Variants in DIAPH1 observed in about 807,000 individuals in gnomAD.
DIAPH1 encodes the protein protein diaphanous homolog 1.
Under a neutral mutation model 140.7 loss-of-function variants are expected in DIAPH1, and 46 were observed. That is an observed-to-expected ratio of 0.33 (90% CI 0.26 to 0.42). The LOEUF (loss-of-function observed/expected upper bound fraction) is 0.42, where lower values mean the gene tolerates loss of function less well. DIAPH1 is among the 10% of genes least tolerant of loss of function. The pLI, the probability that DIAPH1 is intolerant of heterozygous loss-of-function variation, is 1.00. For missense variants in DIAPH1, 1,310 were observed against 1,558.7 expected, an observed-to-expected ratio of 0.84 and a Z score of 2.69; for synonymous variants, 565 against 551.6, an observed-to-expected ratio of 1.02 and a Z score of -0.34.
rs56117502 is a variant in DIAPH1, at chr5:141,591,695, GATATATATATATATATAT to G, written c.118-3463_118-3446del. ...TGGAAAAGGAAGGAAGGGAGATGGG[GATATATATATATATATAT>G]ATATATATATATATGAAGGAAGATG... On this transcript the variant is annotated intron_variant, in intron 1 of 27. Transcript: ENST00000389054. Among the ~76,000 whole-genome samples, 568 of 86,290 alleles carry G rather than the reference GATATATATATATATATAT, an allele frequency of 6.6e-3. 46 individuals are homozygous for G. The highest frequency in any genetic ancestry group is 0.028 in the African/African-American group (493 of 17,472). 56.6% of individuals were successfully genotyped at this position (86,290 alleles called of 152,430 possible).
chr5:141,596,343 AG>A (rs1039811362), intron 1 of DIAPH1, among the ~76,000 whole-genome samples: 3 of 151,880 alleles, frequency 2.0e-5, no homozygotes, highest in African/African-American at 7.3e-5. Flanking sequence ...AAAAAAAAAA[AG>A]TAATAATAAT....
intron 26 of DIAPH1, 147 bp downstream of exon 26, chr5:141,525,891 G>T: frequency 7.8e-7 from 1 of 1,278,618 alleles, no homozygotes; most frequent in South Asian, 1.2e-5. Flanking sequence ...TGGGGTTAAA[G>T]TCCGGCATCA....
At chr5:141,540,013 T>G (rs2099889730) in intron 18 of DIAPH1, among the ~76,000 whole-genome samples, 1 of 151,998 alleles carries the variant, frequency 6.6e-6, no homozygotes. Flanking sequence ...GGTTGAAGGT[T>G]AGGTTATTGA....
At chr5:141,524,372 C>G (rs2099886982) in intron 26 of DIAPH1, 143 bp from the exon 27 acceptor site, 2 of 770,990 alleles carry the variant, frequency 2.6e-6, no homozygotes, top group Non-Finnish European at 4.5e-6. Flanking sequence ...AAAGAGAGCT[C>G]AGCCTTAAGT....
At chr5:141,578,444 C>G in intron 10 of DIAPH1, 71 bp downstream of exon 10, 1 of 1,533,994 alleles carries the variant, frequency 6.5e-7, no homozygotes, top group Non-Finnish European at 9.0e-7. Context: ...CCAGAATTAT[C>G]CCCGGGATTA....
intron 1 of DIAPH1, among the ~76,000 whole-genome samples, chr5:141,614,897 C>G (rs2099902433): frequency 6.6e-6 from 1 of 151,592 alleles, no homozygotes; most frequent in Non-Finnish European, 1.5e-5. Flanking sequence ...GTATATTTTT[C>G]AGTTTTCTGC....
chr5:141,598,737 C>T (rs577679778), intron 1 of DIAPH1, among the ~76,000 whole-genome samples: 5 of 152,286 alleles, frequency 3.3e-5, no homozygotes, highest in Admixed American at 1.3e-4. Context: ...GGTATTTATT[C>T]CCTGTAAGGT....
At position 141,571,961 on chromosome 5, in the gene DIAPH1, G is replaced by C; in HGVS notation, c.2438C>G (p.Ala813Gly). ...EDRFENNELFAKLTLTFSAQT... is the reference protein window; with the variant it reads ...EDRFENNELFGKLTLTFSAQT... ...GGCAGAGAAGGTAAGGGTAAGTTTG[G>C]CGAAAAGTTCATTGTTCTCAAAGCG... Residue 813 changes from alanine (A) to glycine (G), a missense_variant, in exon 17 of 28, where the codon GCC (alanine) becomes GGC (glycine). Coordinates refer to ENST00000389054, the MANE Select transcript of DIAPH1 (RefSeq NM_005219.5). 1 of 1,614,140 alleles carries C rather than the reference G, an allele frequency of 6.2e-7. No homozygotes were observed. Among genetic ancestry groups the C allele is most frequent in the Non-Finnish European group, 8.5e-7 (1 of 1,180,018 alleles).
In DIAPH1 at chr5:141,588,216, G is replaced by A. The variant is rs768557998; in HGVS notation, c.144+8C>T. ...AGAACATGCACATGCTAAACAAAATGTCCTTACCTCATCTGCCATGAGCCG... is the reference window on the plus strand; with the variant it reads ...AGAACATGCACATGCTAAACAAAATATCCTTACCTCATCTGCCATGAGCCG... On this transcript the variant is annotated splice_region_variant and intron_variant, in intron 2 of 27. Coordinates refer to ENST00000389054, the MANE Select transcript of DIAPH1 (RefSeq NM_005219.5). 10 of 1,609,676 alleles carry A rather than the reference G, an allele frequency of 6.2e-6. No homozygotes were observed. The East Asian group carries it at 2.2e-4, about 36-fold the overall frequency.
At position 141,580,888 on chromosome 5, in the gene DIAPH1, T is replaced by C. The variant is rs367786290; in HGVS notation, c.685-5A>G. The C allele has an allele frequency of 1.5e-4, 245 of 1,613,954 alleles. 1 individual carries two copies. Among genetic ancestry groups the C allele is most frequent in the Middle Eastern group, 4.9e-4 (3 of 6,084 alleles). On this transcript the variant is annotated splice_region_variant and splice_polypyrimidine_tract_variant and intron_variant, in intron 7 of 27. Transcript: ENST00000389054. The stretch of plus-strand genomic sequence containing the variant: ...CAACATGGTCTTGATTCCAAACTGG[T>C]AGGACCAAGAACAAAGAAAGGAGGC...
At chr5:141,588,652 G>A (rs1051176874) in intron 1 of DIAPH1, among the ~76,000 whole-genome samples, 2 of 152,028 alleles carry the variant, frequency 1.3e-5, no homozygotes, top group East Asian at 1.9e-4. Flanking sequence ...TCTAGTCACA[G>A]ACCAACAGGA....
chr5:141,535,812 C>T (rs544626207), intron 18 of DIAPH1, among the ~76,000 whole-genome samples: 37 of 152,262 alleles, frequency 2.4e-4, no homozygotes, highest in African/African-American at 8.2e-4. Flanking sequence ...AAAGGAGAGT[C>T]GAGAAGCTGA....
chr5:141,530,962 C>A (rs1596341219), intron 19 of DIAPH1, among the ~76,000 whole-genome samples: 1 of 152,152 alleles, frequency 6.6e-6, no homozygotes. Flanking sequence ...TATACATAAT[C>A]AAGTTTTTTA....
chr5:141,598,321 CTAGA>C (rs2154597018), intron 1 of DIAPH1, among the ~76,000 whole-genome samples: 1 of 152,146 alleles, frequency 6.6e-6, no homozygotes, highest in African/African-American at 2.4e-5. Context: ...AATTAGATGA[CTAGA>C]TAAATGTCTA....
At chr5:141,547,167 G>C (rs2099890933) in intron 18 of DIAPH1, among the ~76,000 whole-genome samples, 1 of 152,238 alleles carries the variant, frequency 6.6e-6, no homozygotes. Flanking sequence ...CAGAGAAGTA[G>C]AATTTACTTT....
chr5:141,601,517 T>C (rs2099900135), intron 1 of DIAPH1, among the ~76,000 whole-genome samples: 1 of 152,114 alleles, frequency 6.6e-6, no homozygotes, highest in Non-Finnish European at 1.5e-5. Context: ...TTTGAATTCC[T>C]GACCTCAAGC....
chr5:141,583,463 GT>G lies in DIAPH1; in HGVS notation c.533+21del, dbSNP rs771459942. The G allele has an allele frequency of 5.6e-6, 9 of 1,614,062 alleles. No homozygotes were observed. The African/African-American group carries it at 1.2e-4, about 22-fold the overall frequency. On this transcript the variant is annotated intron_variant, in intron 5 of 27. Transcript: ENST00000389054. Reference sequence around the variant, plus strand: ...AGTCCAACATTTGGCTCCTACTCCTGTTACCTCCTCAGAATCCTCACCTGAC... The same window carrying G: ...AGTCCAACATTTGGCTCCTACTCCTGTACCTCCTCAGAATCCTCACCTGAC...
chr5:141,542,388 G>A (rs1475370589), intron 18 of DIAPH1, among the ~76,000 whole-genome samples: 3 of 151,550 alleles, frequency 2.0e-5, no homozygotes, highest in Non-Finnish European at 2.9e-5. Context: ...AGCCAAGATC[G>A]TGCCACTACA....
chr5:141,567,830 T>C (rs1468935399), intron 18 of DIAPH1, among the ~76,000 whole-genome samples: 6 of 152,210 alleles, frequency 3.9e-5, no homozygotes, highest in Non-Finnish European at 8.8e-5. Flanking sequence ...AACCTATCTG[T>C]TACGGCTAAC....
Sources: allele counts gnomAD v4.1 joint callset (sites outside exome capture counted in the v4.1 genomes callset), GRCh38; gene constraint gnomAD v4.1.1; transcripts MANE v1.5; gene names NCBI Gene and HGNC (gene_info 2026-07-23, HGNC 2026-07-21).